The following SIGLEC9 variants were observed in gnomAD, a reference collection of about 807,000 sequenced individuals.
The protein encoded by SIGLEC9 is sialic acid-binding Ig-like lectin 9.
In SIGLEC9, 26 loss-of-function variants were observed where a neutral mutation model predicts 38.3. That is an observed-to-expected ratio of 0.68 (90% confidence interval 0.50 to 0.94). The LOEUF (loss-of-function observed/expected upper bound fraction) is 0.94, where lower values mean the gene tolerates loss of function less well. SIGLEC9 is among the 40% of genes least tolerant of loss of function. The pLI, the probability that SIGLEC9 is intolerant of heterozygous loss-of-function variation, is 0.00. For synonymous variants in SIGLEC9, 236 were observed against 248.0 expected, an observed-to-expected ratio of 0.95 and a Z score of 0.45; for missense variants, 556 against 585.7, an observed-to-expected ratio of 0.95 and a Z score of 0.52.
chr19:51,123,759 T>G (rs1233092135), upstream of SIGLEC9, among the ~76,000 whole-genome samples: 1 of 152,126 alleles, frequency 6.6e-6, no homozygotes, highest in Non-Finnish European at 1.5e-5. Context: ...GGGAAGACAT[T>G]TTTATCTATA....
At chr19:51,131,211 G>A (rs1195405549), downstream of SIGLEC9, among the ~76,000 whole-genome samples, 1 of 152,178 alleles carries the variant, frequency 6.6e-6, no homozygotes, top group Non-Finnish European at 1.5e-5. Flanking sequence ...AAGGACTGGA[G>A]GAAGCACTAA....
chr19:51,121,103 C>T (rs1422680936), upstream of SIGLEC9, among the ~76,000 whole-genome samples: 1 of 151,992 alleles, frequency 6.6e-6, no homozygotes, highest in African/African-American at 2.4e-5. Context: ...CCTCGGCCTC[C>T]CAAAGTGTTG....
Position 51,129,939 on chromosome 19 carries a change from C to A in SIGLEC9, c.1252C>A (p.Pro418Thr). The change falls in exon 7 of 7, where the codon CCC becomes ACC. Residue 418 changes from proline (P) to threonine (T), a missense_variant. Transcript: ENST00000250360. ...AGAAGACAGTCCCCCAGACCAGCCT[C>A]CCCCAGCTTCTGCCCGCTCCTCAGT... ...WAEDSPPDQP[P>T]PASARSSVGE... The A allele has an allele frequency of 4.3e-6, 7 of 1,612,760 alleles. No individual in the cohort carries two copies. Among genetic ancestry groups the A allele is most frequent in the Non-Finnish European group, 5.1e-6 (6 of 1,179,364 alleles).
intron 6 of SIGLEC9, chr19:51,128,728 A>C: frequency 2.0e-6 from 1 of 494,700 alleles, no homozygotes; most frequent in Non-Finnish European, 3.6e-6. Context: ...CTGAGGCCTG[A>C]GGATCTCTGT....
downstream of SIGLEC9, among the ~76,000 whole-genome samples, chr19:51,132,326 G>A (rs1321113483): frequency 6.6e-6 from 1 of 152,132 alleles, no homozygotes; most frequent in Non-Finnish European, 1.5e-5. Flanking sequence ...ACTGTGGGGG[G>A]TGCACGGCAA....
chr19:51,125,811 C>T lies in SIGLEC9; in HGVS notation c.636C>T (p.Thr212=), dbSNP rs886674456. 6 of 1,614,170 alleles carry T rather than the reference C, an allele frequency of 3.7e-6. No individual in the cohort carries two copies. Among genetic ancestry groups the T allele is most frequent in the South Asian group, 1.1e-5 (1 of 91,090 alleles). The change falls in exon 2 of 7, where the codon ACC becomes ACT. Residue 212 remains threonine, a synonymous_variant. Coordinates refer to ENST00000250360, the MANE Select transcript of SIGLEC9 (RefSeq NM_014441.3). ...CCCAGGACCATGGCACCAGCCTCAC[C>T]TGTCAGGTGACCTTCCCTGGGGCCA... The part of the protein sequence containing the change: ...PQPQDHGTSL[T]CQVTFPGASV...
chr19:51,120,890 G>A (rs1038649648), upstream of SIGLEC9: 1 of 151,048 alleles, frequency 6.6e-6, no homozygotes, highest in Non-Finnish European at 1.5e-5. This position sits in a 1 kb window ranked among gnomAD's most constrained non-coding sequence, Gnocchi z 4.1. Context: ...ATGTCACCCA[G>A]GCTTGAGTGC....
intron 2 of SIGLEC9, 38 bp from the exon 3 acceptor site, chr19:51,126,043 C>G (rs774356047): frequency 7.5e-6 from 12 of 1,610,132 alleles, no homozygotes; most frequent in Non-Finnish European, 1.0e-5. Context: ...GTCCCCAGCC[C>G]TCACAGTGAT....
At chr19:51,121,951 G>GC (rs1214162569), upstream of SIGLEC9, among the ~76,000 whole-genome samples, 1 of 151,160 alleles carries the variant, frequency 6.6e-6, no homozygotes, top group East Asian at 1.9e-4. Context: ...TTCATGCTGT[G>GC]CCCCTGATAG....
At position 51,126,710 on chromosome 19, in the gene SIGLEC9, T is replaced by A. The variant is rs1462634404; in HGVS notation, c.749-320T>A. 5.3e-5 allele frequency among the ~76,000 whole-genome samples: 8 copies of A among 152,338 alleles called. No homozygotes were observed. In the East Asian group the frequency reaches 1.5e-3, roughly 29 times the overall value. On this transcript the variant is annotated intron_variant, in intron 3 of 6. Transcript: ENST00000250360. ...TTTTGTGGCATCTCCTAATGGAAGA[T>A]CACGGCACTAATTTCATCCTACGGC... is the stretch of plus-strand genomic sequence containing the variant.
In SIGLEC9 at chr19:51,125,011, G is replaced by A; in HGVS notation, c.37G>A (p.Glu13Lys). Residue 13 changes from glutamate to lysine, a missense_variant, in exon 1 of 7, where the codon GAG becomes AAG. By Grantham distance (56) the Glu-to-Lys change is moderately conservative (BLOSUM62 1). Coordinates refer to ENST00000250360, the MANE Select transcript of SIGLEC9 (RefSeq NM_014441.3). ...LLLLPLLWGR[E>K]RAEGQTSKLL... ...GCTGCTGCCCCTGCTCTGGGGGAGG[G>A]AGAGGGCGGAAGGACAGACAAGTAA... The A allele has an allele frequency of 6.2e-7, 1 of 1,611,934 alleles. No homozygotes were observed. The highest frequency in any genetic ancestry group is 8.5e-7 in the Non-Finnish European group (1 of 1,178,582).
chr19:51,124,646 C>T (rs145750222), upstream of SIGLEC9, among the ~76,000 whole-genome samples: 104 of 152,206 alleles, frequency 6.8e-4, 2 homozygotes, highest in East Asian at 0.019. Context: ...TTTCACCCTG[C>T]AGAAAATGTC....
At chr19:51,128,707 A>C in intron 6 of SIGLEC9, 197 bp downstream of exon 6, 1 of 528,950 alleles carries the variant, frequency 1.9e-6, no homozygotes, top group Non-Finnish European at 3.4e-6. Flanking sequence ...CCCTATCCTG[A>C]CCCTTCATTG....
chr19:51,128,609 C>CT, intron 6 of SIGLEC9, 99 bp downstream of exon 6: 1 of 1,002,294 alleles, frequency 1.0e-6, no homozygotes, highest in Admixed American at 2.4e-5. Context: ...AAGTTACCTC[C>CT]TCTCTGTTCT....
upstream of SIGLEC9, chr19:51,122,999 C>T (rs1350990576): frequency 2.0e-5 from 3 of 152,534 alleles, no homozygotes; most frequent in Non-Finnish European, 4.4e-5. This position sits in a 1 kb window ranked among gnomAD's most constrained non-coding sequence, Gnocchi z 4.1. Flanking sequence ...GGCAGGCAGC[C>T]TAGTCGGGTG....
chr19:51,134,859 G>A (rs2092034306), downstream of SIGLEC9, among the ~76,000 whole-genome samples: 5 of 152,206 alleles, frequency 3.3e-5, no homozygotes, highest in South Asian at 1.0e-3. Context: ...TTTTGATATG[G>A]GTATTCTGGT....
chr19:51,127,855 T>C (rs1016216373), intron 4 of SIGLEC9, 94 bp from the exon 5 acceptor site: 71 of 708,178 alleles, frequency 1.0e-4, no homozygotes, highest in African/African-American at 3.2e-4. Flanking sequence ...AAAGGGGAAG[T>C]GGAAATAGAA....
chr19:51,132,009 G>T (rs909002361), downstream of SIGLEC9, among the ~76,000 whole-genome samples: 1 of 152,160 alleles, frequency 6.6e-6, no homozygotes, highest in Admixed American at 6.5e-5. Context: ...CAGTGTTGGC[G>T]GTGGGGCCAA....
upstream of SIGLEC9, among the ~76,000 whole-genome samples, chr19:51,124,515 G>A (rs945726160): frequency 9.2e-5 from 14 of 152,082 alleles, no homozygotes; most frequent in African/African-American, 2.9e-4. Flanking sequence ...TGCTTGGGGG[G>A]GATGAGAGGC....
Sources: allele counts gnomAD v4.1 joint callset (sites outside exome capture counted in the v4.1 genomes callset), GRCh38; gene constraint gnomAD v4.1.1; non-coding constraint Gnocchi (gnomAD v3.1); transcripts MANE v1.5; gene names NCBI Gene and HGNC (gene_info 2026-07-23, HGNC 2026-07-21).